INVS: variants seen among roughly 807,000 people sequenced by gnomAD.
INVS encodes inversin.
Under a neutral mutation model 108.8 loss-of-function variants are expected in INVS, and 86 were observed. The ratio of observed to expected loss-of-function variants is 0.79; its 90% CI spans 0.66 to 0.95. The LOEUF (loss-of-function observed/expected upper bound fraction) is 0.95. INVS is among the 40% of genes least tolerant of loss of function. INVS has a pLI of 0.00. For synonymous variants in INVS, 455 were observed against 473.5 expected, an observed-to-expected ratio of 0.96 and a Z score of 0.51; for missense variants, 1,169 against 1,297.4, an observed-to-expected ratio of 0.90 and a Z score of 1.52.
chr9:100,210,737 A>G (rs1231456910), intron 3 of INVS, among the ~76,000 whole-genome samples: 1 of 152,218 alleles, frequency 6.6e-6, no homozygotes, highest in Non-Finnish European at 1.5e-5. Context: ...GGAGTCTGAT[A>G]CAGAGTAATT....
In INVS at chr9:100,257,432, G is replaced by A. The variant is rs567084830; in HGVS notation, c.1464+4296G>A. 3.3e-5 allele frequency among the ~76,000 whole-genome samples: 5 copies of A among 152,298 alleles called. No homozygotes were observed. The East Asian group carries it at 5.8e-4, about 18-fold the overall frequency. On this transcript the variant is annotated intron_variant, in intron 10 of 16. Coordinates refer to ENST00000262457, the MANE Select transcript of INVS (RefSeq NM_014425.5). ...ATTTAAGGTTAATATTGTTATGTGT[G>A]AATTTGATCCTGTCATTATGATGTT...
At chr9:100,220,022 A>G (rs1479361312) in intron 3 of INVS, among the ~76,000 whole-genome samples, 2 of 152,194 alleles carry the variant, frequency 1.3e-5, no homozygotes, top group African/African-American at 2.4e-5. Flanking sequence ...TATTAACTTT[A>G]TCTGTTAGGT....
intron 3 of INVS, among the ~76,000 whole-genome samples, chr9:100,220,398 A>G (rs1390722629): frequency 1.3e-5 from 2 of 152,180 alleles, no homozygotes; most frequent in Admixed American, 6.5e-5. Flanking sequence ...AAACGAAAAA[A>G]AATTTATTCA....
At chr9:100,174,890 C>A (rs183221720) in intron 3 of INVS, among the ~76,000 whole-genome samples, 1 of 152,164 alleles carries the variant, frequency 6.6e-6, no homozygotes, top group East Asian at 1.9e-4. Flanking sequence ...CCAGCCTGGG[C>A]GACAGAGTGA....
intron 3 of INVS, among the ~76,000 whole-genome samples, chr9:100,183,794 GAAAAAAAAAAA>G (rs67231511): frequency 1.5e-5 from 1 of 68,714 alleles, no homozygotes; most frequent in Non-Finnish European, 2.9e-5. Context: ...CTGTTTCAGG[GAAAAAAAAAAA>G]AAAAAAAAAA....
intron 3 of INVS, among the ~76,000 whole-genome samples, chr9:100,188,218 A>G (rs1830111553): frequency 6.6e-6 from 1 of 152,122 alleles, no homozygotes; most frequent in East Asian, 1.9e-4. Flanking sequence ...ACTATGCTGA[A>G]TAGAAATGAT....
intron 13 of INVS, among the ~76,000 whole-genome samples, chr9:100,291,933 G>A (rs1809149775): frequency 6.6e-6 from 1 of 152,196 alleles, no homozygotes; most frequent in Admixed American, 6.5e-5. Flanking sequence ...TTATGTAGAT[G>A]TTAAAGCACA....
rs577964588 is a variant in INVS at position 100,148,625 on chromosome 9, C to T, written c.273+22076C>T. On this transcript the variant is annotated intron_variant, in intron 3 of 16. Coordinates refer to ENST00000262457, the MANE Select transcript of INVS (RefSeq NM_014425.5). ...CTGAAGCATAAGTAAAATATTAGCA[C>T]AGGAGAAGAGGCAGTAGAAGAATTA... 7.2e-5 allele frequency among the ~76,000 whole-genome samples: 11 copies of T among 152,256 alleles called. No homozygotes were observed. In the East Asian group the frequency reaches 2.1e-3, roughly 29 times the overall value.
Position 100,296,996 on chromosome 9 carries a change from G to A in INVS, c.2866G>A (p.Glu956Lys), listed in dbSNP as rs114749415. 8.7e-6 allele frequency: 14 copies of A among 1,613,960 alleles called. No individual in the cohort carries two copies. The African/African-American group carries it at 9.3e-5, about 11-fold the overall frequency. The change falls in exon 15 of 17, where the codon GAG becomes AAG. Residue 956 changes from glutamate (E) to lysine (K), a missense_variant. Glu to Lys is a moderately conservative substitution (Grantham distance 56). This residue lies in a region of INVS where 533 missense variants were observed against 536.0 expected (regional missense o/e 0.99). Transcript: ENST00000262457. ...TGGAGATGTGGACAGATGGAGGCAAGAGTCTACAGCATTGCTCCTCCAGGT... is the reference window on the plus strand; with the variant it reads ...TGGAGATGTGGACAGATGGAGGCAAAAGTCTACAGCATTGCTCCTCCAGGT... Reference protein sequence around the residue: ...GAGDVDRWRQESTALLLQVWR... With the variant: ...GAGDVDRWRQKSTALLLQVWR...
intron 3 of INVS, among the ~76,000 whole-genome samples, chr9:100,222,531 CA>C (rs1257023190): frequency 2.0e-5 from 3 of 152,114 alleles, no homozygotes; most frequent in Non-Finnish European, 2.9e-5. Flanking sequence ...GAGTAAATAT[CA>C]TTACTGAGTT....
intron 3 of INVS, chr9:100,129,627 C>G (rs1474135688): frequency 3.2e-5 from 20 of 625,618 alleles, no homozygotes; most frequent in East Asian, 2.5e-4. Context: ...ATTTGCCTGT[C>G]AAAAAAATCT....
chr9:100,284,728 T>C, intron 13 of INVS, 125 bp downstream of exon 13: 1 of 1,024,204 alleles, frequency 9.8e-7, no homozygotes, highest in Non-Finnish European at 1.5e-6. Flanking sequence ...CACTTTATGA[T>C]TTGTGTTCTA....
intron 3 of INVS, among the ~76,000 whole-genome samples, chr9:100,168,937 C>A (rs898781142): frequency 6.6e-6 from 1 of 152,068 alleles, no homozygotes; most frequent in Non-Finnish European, 1.5e-5. Context: ...AGAAGATAAA[C>A]CACTTGAATG....
chr9:100,258,383 C>T (rs937622890), intron 10 of INVS, among the ~76,000 whole-genome samples: 13 of 152,186 alleles, frequency 8.5e-5, no homozygotes, highest in East Asian at 1.9e-4. Context: ...TTGTAATTAC[C>T]GATCGTCTGA....
intron 3 of INVS, among the ~76,000 whole-genome samples, chr9:100,144,646 G>A (rs760020434): frequency 2.0e-5 from 3 of 152,156 alleles, no homozygotes; most frequent in African/African-American, 7.2e-5. Context: ...GCTAGTCGCG[G>A]AACAAAACTG....
chr9:100,176,867 C>T (rs1829728898), intron 3 of INVS, among the ~76,000 whole-genome samples: 1 of 152,092 alleles, frequency 6.6e-6, no homozygotes. Context: ...CTGTGTTTTA[C>T]TATAGCCCCT....
intron 3 of INVS, among the ~76,000 whole-genome samples, chr9:100,153,264 A>T (rs1161951645): frequency 4.0e-4 from 16 of 40,106 alleles, no homozygotes; most frequent in African/African-American, 6.5e-5. Context: ...AAGCAAAGTT[A>T]AAAAAAAAAA....
intron 7 of INVS, 78 bp downstream of exon 7, chr9:100,242,757 G>T: frequency 1.2e-6 from 1 of 850,008 alleles, no homozygotes; most frequent in Non-Finnish European, 2.0e-6. Context: ...ATATGTAGTT[G>T]TAGGAAATAA....
At chr9:100,292,023 C>A (rs1564192991) in intron 13 of INVS, among the ~76,000 whole-genome samples, 1 of 152,210 alleles carries the variant, frequency 6.6e-6, no homozygotes, top group African/African-American at 2.4e-5. Flanking sequence ...AGCTCACATA[C>A]TTAATTGCTT....
Sources: gnomAD v4.1 joint callset for allele counts (sites outside exome capture counted in the v4.1 genomes callset) on GRCh38, gnomAD v4.1.1 for gene constraint, gnomAD v4.1.1 regional missense constraint, MANE v1.5 for transcripts, NCBI Gene and HGNC (gene_info 2026-07-23, HGNC 2026-07-21) for gene names.